MCPH1: variants seen among roughly 807,000 people sequenced by gnomAD.
MCPH1 encodes microcephalin 1.
MCPH1 carries 104 observed loss-of-function variants against 84.5 expected under a neutral mutation model. The observed-to-expected ratio is 1.23, with a 90% CI of 1.05 to 1.45. The LOEUF (loss-of-function observed/expected upper bound fraction) is 1.45, where lower values mean the gene tolerates loss of function less well. Ranked by LOEUF, MCPH1 falls within the 40% of genes most tolerant of loss-of-function variation. The pLI is 0.00. For synonymous variants in MCPH1, 514 were observed against 366.8 expected (o/e 1.40, Z -4.58); for missense variants, 1,498 against 1,005.7 (o/e 1.49, Z -6.62).
chr8:6,569,826 C>T (rs184834063), intron 12 of MCPH1, among the ~76,000 whole-genome samples: 6 of 152,174 alleles, frequency 3.9e-5, no homozygotes, highest in African/African-American at 7.2e-5. Context: ...ACACACATCC[C>T]GAGTGACAGA....
chr8:6,523,835 C>T (rs976674637), intron 12 of MCPH1, among the ~76,000 whole-genome samples: 13 of 151,636 alleles, frequency 8.6e-5, no homozygotes, highest in Admixed American at 7.9e-4. Flanking sequence ...GATTCGTCCA[C>T]CTCGGCCTTC....
chr8:6,605,780 C>G (rs959016111), intron 12 of MCPH1, among the ~76,000 whole-genome samples: 2 of 152,218 alleles, frequency 1.3e-5, no homozygotes, highest in Admixed American at 6.5e-5. Flanking sequence ...TCACTGCAAC[C>G]TCCACCTCCC....
At chr8:6,612,595 G>A (rs1830381465) in intron 12 of MCPH1, among the ~76,000 whole-genome samples, 2 of 152,198 alleles carry the variant, frequency 1.3e-5, no homozygotes, top group Middle Eastern at 3.2e-3. Flanking sequence ...ACTGCGTCCG[G>A]CACCGCTGGT....
rs573186867 is a variant in MCPH1, at chr8:6,584,587, G to A, written c.2215-36867G>A. ...TAACTCTTTTAGATCATTATAACCG[G>A]GGGAGGAAAAAAGTTAAAAAGGCTT... is the stretch of plus-strand genomic sequence containing the variant. On this transcript the variant is annotated intron_variant, in intron 12 of 13. Coordinates refer to ENST00000344683, the MANE Select transcript of MCPH1 (RefSeq NM_024596.5). 4.6e-5 allele frequency among the ~76,000 whole-genome samples: 7 copies of A among 152,110 alleles called. No homozygotes were observed. In the East Asian group the frequency reaches 1.3e-3, roughly 29 times the overall value.
At chr8:6,515,569 A>G (rs1816101615) in intron 12 of MCPH1, among the ~76,000 whole-genome samples, 2 of 152,240 alleles carry the variant, frequency 1.3e-5, no homozygotes, top group Non-Finnish European at 2.9e-5. Flanking sequence ...AGCTAAGCGC[A>G]TGCATGCTCA....
At chr8:6,499,561 A>G (rs1284740052) in intron 11 of MCPH1, 1 of 181,210 alleles carries the variant, frequency 5.5e-6, no homozygotes, top group Non-Finnish European at 1.2e-5. Context: ...AAATATATAT[A>G]TAAAATATTT....
chr8:6,486,974 C>G (rs17077123), intron 11 of MCPH1, among the ~76,000 whole-genome samples: 6,788 of 152,262 alleles, frequency 0.045, 312 homozygotes, highest in African/African-American at 0.12. Context: ...TTTGTGGATG[C>G]TAACATACAA....
chr8:6,566,210 C>T (rs1366483477), intron 12 of MCPH1, among the ~76,000 whole-genome samples: 1 of 152,184 alleles, frequency 6.6e-6, no homozygotes, highest in African/African-American at 2.4e-5. Context: ...GTTTAAAAAC[C>T]ATTCTTAGCT....
chr8:6,567,877 A>C (rs978828932), intron 12 of MCPH1, among the ~76,000 whole-genome samples: 1 of 152,196 alleles, frequency 6.6e-6, no homozygotes, highest in East Asian at 1.9e-4. Flanking sequence ...GAGAAACATT[A>C]TTACAGGTTC....
At chr8:6,594,683 G>A (rs1196532532) in intron 12 of MCPH1, among the ~76,000 whole-genome samples, 2 of 38,874 alleles carry the variant, frequency 5.1e-5, no homozygotes, top group Admixed American at 3.6e-4. Context: ...TCTCCTGCAG[G>A]GGACTGCAGG....
chr8:6,447,705 A>G (rs113803562), intron 8 of MCPH1, among the ~76,000 whole-genome samples: 16,386 of 152,042 alleles, frequency 0.11, 1,103 homozygotes, highest in Middle Eastern at 0.24. Context: ...ACCCATCACC[A>G]TGCCCAGCTA....
At chr8:6,642,862 G>T in intron 13 of MCPH1, 132 bp from the exon 14 acceptor site, 1 of 783,018 alleles carries the variant, frequency 1.3e-6, no homozygotes, top group Non-Finnish European at 2.2e-6. Flanking sequence ...TATGGACGTG[G>T]GGGGGCCTAT....
chr8:6,504,330 A>AAG (rs1812831671), intron 12 of MCPH1, among the ~76,000 whole-genome samples: 1 of 151,446 alleles, frequency 6.6e-6, no homozygotes, highest in East Asian at 1.9e-4. Flanking sequence ...AAAAAAAAAA[A>AAG]AAAAAAAGAA....
chr8:6,610,793 C>T (rs1371710315), intron 12 of MCPH1, among the ~76,000 whole-genome samples: 1 of 152,082 alleles, frequency 6.6e-6, no homozygotes, highest in Non-Finnish European at 1.5e-5. Context: ...CAACTTCATG[C>T]CCATTTCCTT....
chr8:6,416,089 G>C (rs1443845009), intron 3 of MCPH1, among the ~76,000 whole-genome samples: 7 of 152,044 alleles, frequency 4.6e-5, no homozygotes, highest in Non-Finnish European at 8.8e-5. Flanking sequence ...TTTTTAAGTT[G>C]TTAGCTGTTA....
intron 12 of MCPH1, among the ~76,000 whole-genome samples, chr8:6,550,494 AG>A (rs1427897038): frequency 1.3e-5 from 2 of 152,186 alleles, no homozygotes; most frequent in African/African-American, 2.4e-5. Flanking sequence ...AGCGGAAACA[AG>A]GGTATGTGCC....
At position 6,445,327 on chromosome 8, in the gene MCPH1, A is replaced by T; in HGVS notation, c.1605A>T (p.Pro535=). The change falls in exon 8 of 14, where the codon CCA becomes CCT. Residue 535 remains proline (P), a synonymous_variant. Transcript: ENST00000344683. ...FSYTIEDPAL[P]KGHDDDLTPL... ...ACACCATTGAGGACCCTGCTCTTCCAAAAGGACATGATGATGATTTAACTC... is the reference window on the plus strand; with the variant it reads ...ACACCATTGAGGACCCTGCTCTTCCTAAAGGACATGATGATGATTTAACTC... 1 of 1,614,254 alleles carries T rather than the reference A, an allele frequency of 6.2e-7. No homozygotes were observed. Among genetic ancestry groups the T allele is most frequent in the Non-Finnish European group, 8.5e-7 (1 of 1,180,038 alleles).
chr8:6,437,805 G>C lies in MCPH1; in HGVS notation c.437-1148G>C, dbSNP rs147090162. 1.1e-3 allele frequency among the ~76,000 whole-genome samples: 169 copies of C among 152,240 alleles called. 1 individual carries two copies. Among genetic ancestry groups the C allele is most frequent in the African/African-American group, 3.9e-3 (164 of 41,542 alleles). On this transcript the variant is annotated intron_variant, in intron 5 of 13. Coordinates refer to ENST00000344683, the MANE Select transcript of MCPH1 (RefSeq NM_024596.5). ...CCATGGCCCTGCTTCTGAAATAGTT[G>C]TTTGACTTCTTCTGTTTTCTCCTTC...
In MCPH1 at chr8:6,608,016, AC is replaced by A. The variant is rs1316613272; in HGVS notation, c.2215-13433del. On this transcript the variant is annotated intron_variant, in intron 12 of 13. Transcript: ENST00000344683. ...CATTTGGAATAGTGTTTTTTGATCC[AC>A]CCCCAGGAGGTGAGGATTGGCAGGG... 3.3e-5 allele frequency among the ~76,000 whole-genome samples: 5 copies of A among 152,142 alleles called. No homozygotes were observed. In the East Asian group the frequency reaches 9.7e-4, roughly 29 times the overall value.
Sources: allele counts gnomAD v4.1 joint callset (sites outside exome capture counted in the v4.1 genomes callset), GRCh38; gene constraint gnomAD v4.1.1; transcripts MANE v1.5; gene names NCBI Gene and HGNC (gene_info 2026-07-23, HGNC 2026-07-21).